RSRP1: variants seen among roughly 807,000 people sequenced by gnomAD.
The protein encoded by RSRP1 is arginine and serine rich protein 1.
In RSRP1, 37 loss-of-function variants were observed where a neutral mutation model predicts 33.0. That is an observed-to-expected ratio of 1.12 (90% confidence interval 0.86 to 1.48). The LOEUF (loss-of-function observed/expected upper bound fraction) is 1.48. Ranked by LOEUF, RSRP1 falls within the 40% of genes most tolerant of loss-of-function variation. The probability of loss-of-function intolerance (pLI) is 0.00; values close to 1 mark genes in which losing one functional copy is unlikely to be tolerated. For missense variants in RSRP1, 402 were observed against 385.3 expected, an observed-to-expected ratio of 1.04 and a Z score of -0.36; for synonymous variants, 167 against 158.7, an observed-to-expected ratio of 1.05 and a Z score of -0.40.
intron 1 of RSRP1, among the ~76,000 whole-genome samples, chr1:25,291,161 T>TAGACAGAC (rs377224052): frequency 0.016 from 2,014 of 124,086 alleles, 238 homozygotes; most frequent in African/African-American, 0.054. Flanking sequence ...GATAGATAGA[T>TAGACAGAC]AGACAGACAG....
rs140641735 is a variant in RSRP1, at chr1:25,271,199, T to C, written c.-66-24170A>G. Among the ~76,000 whole-genome samples, 475 of 132,604 alleles carry C rather than the reference T, an allele frequency of 3.6e-3. 47 individuals carry two copies. Among genetic ancestry groups the C allele is most frequent in the African/African-American group, 0.011 (441 of 38,784 alleles). The allele number at this position is 132,604 out of a possible 152,430, so 87.0% of individuals were successfully genotyped here. A position where few individuals can be genotyped will look rare whatever the true frequency, so the allele number is the denominator to read the frequency against. On this transcript the variant is annotated intron_variant, in intron 1 of 1. Transcript: ENST00000561867. ...AAAGCTGCACTGAGCAAGAAGTGACTGATGCCAAGTGACTAGATGACCTTA... is the reference window on the plus strand; with the variant it reads ...AAAGCTGCACTGAGCAAGAAGTGACCGATGCCAAGTGACTAGATGACCTTA...
In RSRP1 at chr1:25,334,174, A is replaced by C. The variant is rs563445918; in HGVS notation, c.-67+3804T>G. ...CCAAAGCAAGTTAATTACTTCCTAG[A>C]TACAATGGGGGTACAGGCATTGGGT... On this transcript the variant is annotated intron_variant, in intron 1 of 1. Coordinates refer to the RSRP1 transcript ENST00000561867. 7.9e-4 allele frequency among the ~76,000 whole-genome samples: 104 copies of C among 132,386 alleles called. 16 individuals carry two copies. The highest frequency in any genetic ancestry group is 2.5e-3 in the African/African-American group (97 of 38,544). 86.9% of individuals were successfully genotyped at this position (132,386 alleles called of 152,430 possible). A position where few individuals can be genotyped will look rare whatever the true frequency, so the allele number is the denominator to read the frequency against.
Position 25,333,866 on chromosome 1 carries a change from G to C in RSRP1, c.-67+4112C>G. 1.5e-5 allele frequency among the ~76,000 whole-genome samples: 2 copies of C among 130,592 alleles called. 1 individual carries two copies. Among genetic ancestry groups the C allele is most frequent in the Non-Finnish European group, 3.6e-5 (2 of 55,418 alleles). 85.7% of individuals were successfully genotyped at this position (130,592 alleles called of 152,430 possible). On this transcript the variant is annotated intron_variant, in intron 1 of 1. Transcript: ENST00000561867. ...CCTGTTAGACTTATCACTATCACGAGAACAGCACGGGTAAGACCTGTCCCC... is the reference window on the plus strand; with the variant it reads ...CCTGTTAGACTTATCACTATCACGACAACAGCACGGGTAAGACCTGTCCCC...
chr1:25,272,831 A>G lies in RSRP1; in HGVS notation c.-66-25802T>C, dbSNP rs903894192. 4.5e-6 allele frequency: 5 copies of G among 1,123,166 alleles called. 1 individual carries two copies. The African/African-American group carries it at 6.0e-5, about 13-fold the overall frequency. The allele number at this position is 1,123,166 out of a possible 1,614,324, so 69.6% of individuals were successfully genotyped here. A position where few individuals can be genotyped will look rare whatever the true frequency, so the allele number is the denominator to read the frequency against. ...AAAAGATTCCCCCATCTTCTTCCGTAGATTGCACCGAAATTCAGCCAACAA... is the reference window on the plus strand; with the variant it reads ...AAAAGATTCCCCCATCTTCTTCCGTGGATTGCACCGAAATTCAGCCAACAA... On this transcript the variant is annotated intron_variant, in intron 1 of 1. Transcript: ENST00000561867.
At chr1:25,249,673 GT>G (rs1326366242), upstream of RSRP1, among the ~76,000 whole-genome samples, 3 of 152,216 alleles carry the variant, frequency 2.0e-5, no homozygotes, top group African/African-American at 7.2e-5. Context: ...TTTGGAAACA[GT>G]GGGAAACATT....
rs377224052 is a variant in RSRP1, at chr1:25,291,161, TAGACAGACAGAC to T, written c.-66-44144_-66-44133del. On this transcript the variant is annotated intron_variant, in intron 1 of 1. Coordinates refer to the RSRP1 transcript ENST00000561867. The stretch of plus-strand genomic sequence containing the variant: ...GTAGGTGGATAGACAGATAGATAGA[TAGACAGACAGAC>T]AGACAGACAGACAGGCTGGGTACAG... 8.9e-5 allele frequency among the ~76,000 whole-genome samples: 11 copies of T among 124,022 alleles called. 1 individual carries two copies. The highest frequency in any genetic ancestry group is 1.5e-4 in the Non-Finnish European group (8 of 54,056). The allele number at this position is 124,022 out of a possible 152,430, so 81.4% of individuals were successfully genotyped here. A position where few individuals can be genotyped will look rare whatever the true frequency, so the allele number is the denominator to read the frequency against.
At chr1:25,269,324 G>C (rs759225802) in intron 1 of RSRP1, among the ~76,000 whole-genome samples, 1 of 132,454 alleles carries the variant, frequency 7.5e-6, no homozygotes, top group South Asian at 2.3e-4. Context: ...CTCTAAGCGC[G>C]GCTTCCACTG....
intron 4 of RSRP1, among the ~76,000 whole-genome samples, chr1:25,243,030 G>A (rs1043368823): frequency 6.6e-6 from 1 of 152,058 alleles, no homozygotes; most frequent in South Asian, 2.1e-4. Flanking sequence ...GCAGGCAGAA[G>A]CTGCAGTGAG....
Position 25,299,627 on chromosome 1 carries a change from G to T in RSRP1, c.-67+38351C>A, listed in dbSNP as rs142331361. On this transcript the variant is annotated intron_variant, in intron 1 of 1. Transcript: ENST00000561867. Reference sequence around the variant, plus strand: ...GTGGAGGAGGGCAATAGGAGGTGACGCCCGAGAGGTCAGGTGAGAGTGGAT... The same window carrying T: ...GTGGAGGAGGGCAATAGGAGGTGACTCCCGAGAGGTCAGGTGAGAGTGGAT... 1.2e-4 allele frequency among the ~76,000 whole-genome samples: 15 copies of T among 129,466 alleles called. 5 individuals are homozygous for T. Among genetic ancestry groups the T allele is most frequent in the Non-Finnish European group, 2.0e-4 (11 of 54,998 alleles). 84.9% of individuals were successfully genotyped at this position (129,466 alleles called of 152,430 possible).
intron 1 of RSRP1, among the ~76,000 whole-genome samples, chr1:25,314,929 G>A (rs1364344820): frequency 7.6e-6 from 1 of 130,892 alleles, no homozygotes; most frequent in Non-Finnish European, 1.8e-5. Context: ...TTTGCAGCCA[G>A]CGCGGTGGCT....
Position 25,308,456 on chromosome 1 carries a change from A to C in RSRP1, c.-67+29522T>G, listed in dbSNP as rs2124698109. On this transcript the variant is annotated intron_variant, in intron 1 of 1. Coordinates refer to the RSRP1 transcript ENST00000561867. ...TCAAGTTTTAGAACCACTGACCTAT[A>C]GCCAAAAAAGAAAAAGCCAATCAGT... Among the ~76,000 whole-genome samples the C allele has an allele frequency of 1.5e-5, 2 of 129,390 alleles. 1 individual carries two copies. The highest frequency in any genetic ancestry group is 3.9e-4 in the East Asian group (2 of 5,100). 84.9% of individuals were successfully genotyped at this position (129,390 alleles called of 152,430 possible).
Position 25,277,548 on chromosome 1 carries a change from C to A in RSRP1, c.-66-30519G>T, listed in dbSNP as rs1641118249. On this transcript the variant is annotated intron_variant, in intron 1 of 1. Coordinates refer to the RSRP1 transcript ENST00000561867. ...AAATCTTGCCTCTGTATCTTAGAGA[C>A]CTTGGGCAGATTAGTCAACCTCTTT... Among the ~76,000 whole-genome samples the A allele has an allele frequency of 1.5e-5, 2 of 131,228 alleles. 1 individual carries two copies. The highest frequency in any genetic ancestry group is 4.7e-4 in the South Asian group (2 of 4,292). The allele number at this position is 131,228 out of a possible 152,430, so 86.1% of individuals were successfully genotyped here.
chr1:25,242,446 G>A lies in RSRP1; in HGVS notation c.*143C>T. ...AGAAACCTAAAATGTTAATATTTGA[G>A]TGTTAAGTATTTACATCTTTTTGTG... is the stretch of plus-strand genomic sequence containing the variant. On this transcript the variant is annotated 3_prime_UTR_variant, in exon 5 of 5. Coordinates refer to ENST00000243189, the MANE Select transcript of RSRP1 (RefSeq NM_020317.5). 1.7e-6 allele frequency: 1 copy of A among 580,202 alleles called. No individual in the cohort carries two copies. The highest frequency in any genetic ancestry group is 2.4e-5 in the South Asian group (1 of 40,922). The allele number at this position is 580,202 out of a possible 1,614,324, so 35.9% of individuals were successfully genotyped here. A position where few individuals can be genotyped will look rare whatever the true frequency, so the allele number is the denominator to read the frequency against.
At chr1:25,321,020 G>A (rs2124141790) in intron 1 of RSRP1, among the ~76,000 whole-genome samples, 1 of 131,554 alleles carries the variant, frequency 7.6e-6, no homozygotes, top group African/African-American at 2.6e-5. Flanking sequence ...CTCCAGCCTG[G>A]ATAACAGAAT....
At chr1:25,261,190 A>G (rs1445482514) in intron 1 of RSRP1, among the ~76,000 whole-genome samples, 1 of 152,114 alleles carries the variant, frequency 6.6e-6, no homozygotes, top group Non-Finnish European at 1.5e-5. Context: ...TCTTTAAAGC[A>G]CCTATTTCCA....
chr1:25,305,006 A>G (rs1157140753), intron 1 of RSRP1, among the ~76,000 whole-genome samples: 1 of 132,618 alleles, frequency 7.5e-6, no homozygotes, highest in Admixed American at 7.3e-5. Context: ...CATACGTTTT[A>G]ACACTCATCT....
Position 25,282,959 on chromosome 1 carries a change from A to G in RSRP1, c.-66-35930T>C, listed in dbSNP as rs1641630563. ...AACACTAAAACTAAAAAAGTAAAACACCTCCCAAACTTAGAGACAATATTA... is the reference window on the plus strand; with the variant it reads ...AACACTAAAACTAAAAAAGTAAAACGCCTCCCAAACTTAGAGACAATATTA... On this transcript the variant is annotated intron_variant, in intron 1 of 1. Transcript: ENST00000561867. Among the ~76,000 whole-genome samples, 2 of 131,292 alleles carry G rather than the reference A, an allele frequency of 1.5e-5. 1 individual carries two copies. Among genetic ancestry groups the G allele is most frequent in the East Asian group, 3.9e-4 (2 of 5,102 alleles). 86.1% of individuals were successfully genotyped at this position (131,292 alleles called of 152,430 possible).
intron 1 of RSRP1, among the ~76,000 whole-genome samples, chr1:25,264,021 G>A (rs1368986717): frequency 2.6e-5 from 4 of 152,102 alleles, no homozygotes; most frequent in Non-Finnish European, 5.9e-5. Context: ...TCACGCAGAT[G>A]GAAGGGGTGG....
intron 3 of RSRP1, 191 bp from the exon 4 acceptor site, chr1:25,243,824 A>C: frequency 7.7e-7 from 1 of 1,304,408 alleles, no homozygotes; most frequent in Non-Finnish European, 9.7e-7. Flanking sequence ...GGCTTAAGAC[A>C]CTCTTCCCAT....
Sources: allele counts gnomAD v4.1 joint callset (sites outside exome capture counted in the v4.1 genomes callset), GRCh38; gene constraint gnomAD v4.1.1; transcripts MANE v1.5; gene names NCBI Gene and HGNC (gene_info 2026-07-23, HGNC 2026-07-21).